The following NCSTN variants were observed in gnomAD, a reference collection of about 807,000 sequenced individuals.
The protein encoded by NCSTN is anterior pharynx-defective 2.
A neutral mutation model predicts 87.0 loss-of-function variants in NCSTN; 22 were observed. The observed-to-expected ratio is 0.25, with a 90% CI of 0.18 to 0.36. The LOEUF is 0.36. Ranked by LOEUF, NCSTN falls within the 10% of genes least tolerant of loss-of-function variation. The probability of loss-of-function intolerance (pLI) is 1.00; values close to 1 mark genes in which losing one functional copy is unlikely to be tolerated. For synonymous variants in NCSTN, 306 were observed against 327.1 expected (o/e 0.94, Z 0.69); for missense variants, 693 against 883.3 (o/e 0.78, Z 2.73).
At chr1:160,345,473 G>A (rs985959806) in intron 2 of NCSTN, among the ~76,000 whole-genome samples, 79 of 152,120 alleles carry the variant, frequency 5.2e-4, no homozygotes, top group African/African-American at 1.8e-3. Context: ...GATTACAGGC[G>A]TGAGCCACCG....
In NCSTN at chr1:160,354,109, AC is replaced by A. The variant is rs1167524032; in HGVS notation, c.1180-3del. ...CCTCCCATCAGTTAATCTCCCTCGT[AC>A]CCCCCAGGTGGAGGATCTCCTGGCC... is the stretch of plus-strand genomic sequence containing the variant. On this transcript the variant is annotated splice_polypyrimidine_tract_variant and splice_region_variant and intron_variant, in intron 10 of 16. Coordinates refer to ENST00000294785, the MANE Select transcript of NCSTN (RefSeq NM_015331.3). The A allele has an allele frequency of 1.2e-6, 2 of 1,613,198 alleles. No homozygotes were observed. The highest frequency in any genetic ancestry group is 1.7e-6 in the Non-Finnish European group (2 of 1,179,634).
chr1:160,347,987 G>A (rs531341219), intron 2 of NCSTN, among the ~76,000 whole-genome samples: 1 of 152,372 alleles, frequency 6.6e-6, no homozygotes, highest in South Asian at 2.1e-4. Flanking sequence ...CAAGGGCCGG[G>A]CATGGTGGCT....
At chr1:160,346,029 T>C (rs1436587581) in intron 2 of NCSTN, among the ~76,000 whole-genome samples, 1 of 152,160 alleles carries the variant, frequency 6.6e-6, no homozygotes, top group Admixed American at 6.5e-5. Context: ...AAACTTTTTT[T>C]CCTTAAATTC....
At chr1:160,346,378 G>A (rs1571198723) in intron 2 of NCSTN, among the ~76,000 whole-genome samples, 1 of 152,230 alleles carries the variant, frequency 6.6e-6, no homozygotes, top group South Asian at 2.1e-4. Context: ...TAAATAGGGT[G>A]GTCTCAAAAG....
intron 1 of NCSTN, chr1:160,344,373 T>C (rs1188421957): frequency 8.0e-6 from 9 of 1,118,370 alleles, no homozygotes; most frequent in Non-Finnish European, 1.1e-5. Flanking sequence ...ATTAGTAATA[T>C]ACATACAGGA....
At chr1:160,351,995 G>A in intron 7 of NCSTN, 59 bp from the exon 8 acceptor site, 8 of 1,592,088 alleles carry the variant, frequency 5.0e-6, no homozygotes, top group Non-Finnish European at 6.9e-6. Flanking sequence ...GAGCAAGAAA[G>A]GAGGTTTGGG....
intron 3 of NCSTN, 36 bp downstream of exon 3, chr1:160,349,158 T>C (rs201868397): frequency 6.2e-7 from 1 of 1,612,952 alleles, no homozygotes; most frequent in Non-Finnish European, 8.5e-7. Flanking sequence ...AAAACATCCA[T>C]AGAGGGAAAG....
rs1240862255 is a variant in NCSTN, at chr1:160,351,798, C to T, written c.836C>T (p.Ala279Val). The T allele has an allele frequency of 2.5e-6, 4 of 1,606,252 alleles. No homozygotes were observed. Among genetic ancestry groups the T allele is most frequent in the Non-Finnish European group, 3.4e-6 (4 of 1,173,008 alleles). The change falls in exon 7 of 17, where the codon GCC (alanine) becomes GTC (valine). Residue 279 changes from alanine to valine, a missense_variant. Around this residue, in one of 4 missense-constraint regions of NCSTN, gnomAD observed 134 missense variants for 226.0 expected, o/e 0.59. Coordinates refer to ENST00000294785, the MANE Select transcript of NCSTN (RefSeq NM_015331.3). ...CCTGACGACAGGGTTGTGGTTGCTG[C>T]CACCCGGGTGAGTGTTGGCTTCTGA... ...LKPDDRVVVA[A>V]TRLDSRSFFW... is the part of the protein sequence containing the mutation.
At chr1:160,344,498 T>C (rs1437122617) in intron 1 of NCSTN, 2 of 1,544,102 alleles carry the variant, frequency 1.3e-6, no homozygotes, top group African/African-American at 1.4e-5. Flanking sequence ...TGGCGCTACA[T>C]GGACTTTGTA....
intron 7 of NCSTN, 78 bp from the exon 8 acceptor site, chr1:160,351,976 T>C (rs1648874837): frequency 6.4e-7 from 1 of 1,570,596 alleles, no homozygotes. Context: ...AGGTATATTC[T>C]CTTGACTGGA....
intron 10 of NCSTN, chr1:160,353,546 A>C: frequency 7.8e-7 from 1 of 1,279,808 alleles, no homozygotes; most frequent in South Asian, 1.6e-5. Context: ...CATGGATCCA[A>C]TTGTCAAGGC....
At chr1:160,353,375 T>C in intron 10 of NCSTN, 138 bp downstream of exon 10, 1 of 1,546,594 alleles carries the variant, frequency 6.5e-7, no homozygotes, top group South Asian at 1.2e-5. Context: ...GGCCAAAGGA[T>C]GAACACCACA....
rs758910156 is a variant in NCSTN at position 160,352,097 on chromosome 1, A to G, written c.887A>G (p.Glu296Gly). 19 of 1,614,234 alleles carry G rather than the reference A, an allele frequency of 1.2e-5. No homozygotes were observed. In the East Asian group the frequency reaches 4.0e-4, roughly 34 times the overall value. Residue 296 changes from glutamate (E) to glycine (G), a missense_variant, in exon 8 of 17, where the codon GAA becomes GGA. Around this residue, in one of 4 missense-constraint regions of NCSTN, gnomAD observed 134 missense variants for 226.0 expected, o/e 0.59. Transcript: ENST00000294785. Reference protein sequence around the residue: ...SFFWNVAPGAESAVASFVTQL... With the variant: ...SFFWNVAPGAGSAVASFVTQL... ...TTCTGGAATGTGGCCCCAGGGGCTG[A>G]AAGCGCAGTGGCTTCCTTTGTCACC...
chr1:160,353,155 C>T lies in NCSTN; in HGVS notation c.1102-5C>T. ...CTAAGTGTTGTTTCTTCATCCTCCC[C>T]CCAGGTGGCCTTAAGAACTTCATTA... On this transcript the variant is annotated splice_region_variant and splice_polypyrimidine_tract_variant and intron_variant, in intron 9 of 16. Transcript: ENST00000294785. The T allele has an allele frequency of 6.2e-7, 1 of 1,614,022 alleles. No individual in the cohort carries two copies. Among genetic ancestry groups the T allele is most frequent in the Non-Finnish European group, 8.5e-7 (1 of 1,179,884 alleles).
Position 160,352,113 on chromosome 1 carries a change from C to T in NCSTN, c.903C>T (p.Ser301=). Reference sequence around the variant, plus strand: ...CAGGGGCTGAAAGCGCAGTGGCTTCCTTTGTCACCCAGCTGGCTGCTGCTG... The same window carrying T: ...CAGGGGCTGAAAGCGCAGTGGCTTCTTTTGTCACCCAGCTGGCTGCTGCTG... ...VAPGAESAVA[S]FVTQLAAAEA... is the part of the protein sequence containing the mutation. The change falls in exon 8 of 17, where the codon TCC becomes TCT. Residue 301 remains serine, a synonymous_variant. Coordinates refer to ENST00000294785, the MANE Select transcript of NCSTN (RefSeq NM_015331.3). The T allele has an allele frequency of 6.2e-7, 1 of 1,614,244 alleles. No individual in the cohort carries two copies. Among genetic ancestry groups the T allele is most frequent in the South Asian group, 1.1e-5 (1 of 91,088 alleles).
chr1:160,355,376 T>C (rs555102578), intron 11 of NCSTN, among the ~76,000 whole-genome samples: 7 of 152,318 alleles, frequency 4.6e-5, no homozygotes, highest in African/African-American at 1.7e-4. Flanking sequence ...CCAGCCCAAA[T>C]GATGTAGAAG....
Position 160,358,761 on chromosome 1 carries a change from G to A in NCSTN, c.*490G>A, listed in dbSNP as rs1649257905. 5.3e-6 allele frequency: 1 copy of A among 186,938 alleles called. No homozygotes were observed. The highest frequency in any genetic ancestry group is 2.3e-5 in the African/African-American group (1 of 42,746). The allele number at this position is 186,938 out of a possible 1,614,324, so 11.6% of individuals were successfully genotyped here. A position where few individuals can be genotyped will look rare whatever the true frequency, so the allele number is the denominator to read the frequency against. Reference sequence around the variant, plus strand: ...CTGAGCCTACTGTCTCCTTCCCACTGTCCTTTCTCCAGGCCCTCAGATGGC... The same window carrying A: ...CTGAGCCTACTGTCTCCTTCCCACTATCCTTTCTCCAGGCCCTCAGATGGC... On this transcript the variant is annotated 3_prime_UTR_variant, in exon 17 of 17. Coordinates refer to ENST00000294785, the MANE Select transcript of NCSTN (RefSeq NM_015331.3).
chr1:160,358,369 G>A lies in NCSTN; in HGVS notation c.*98G>A. 6.6e-7 allele frequency: 1 copy of A among 1,509,402 alleles called. No homozygotes were observed. The allele number at this position is 1,509,402 out of a possible 1,614,324, so 93.5% of individuals were successfully genotyped here. On this transcript the variant is annotated 3_prime_UTR_variant, in exon 17 of 17. Transcript: ENST00000294785. The stretch of plus-strand genomic sequence containing the variant: ...CTAATTTGTCACTGGAACCTCCCTG[G>A]GCCTGTCTCAGATTGGGATTAACAT...
chr1:160,349,460 G>A, intron 3 of NCSTN, 89 bp from the exon 4 acceptor site: 1 of 1,530,418 alleles, frequency 6.5e-7, no homozygotes, highest in Non-Finnish European at 9.1e-7. Context: ...GATTCCCCTA[G>A]TTCCCCATTT....
Sources: gnomAD v4.1 joint callset for allele counts (sites outside exome capture counted in the v4.1 genomes callset) on GRCh38, gnomAD v4.1.1 for gene constraint, gnomAD v4.1.1 regional missense constraint, MANE v1.5 for transcripts, NCBI Gene and HGNC (gene_info 2026-07-23, HGNC 2026-07-21) for gene names.